Variants in SYNE1 observed in about 807,000 individuals in gnomAD.
The protein encoded by SYNE1 is spectrin repeat containing nuclear envelope protein 1.
In SYNE1, 616 loss-of-function variants were observed where a neutral mutation model predicts 1,111.0. The ratio of observed to expected loss-of-function variants is 0.55; its 90% CI spans 0.52 to 0.59. The LOEUF (loss-of-function observed/expected upper bound fraction) is 0.59. Ranked by LOEUF, SYNE1 falls within the 20% of genes least tolerant of loss-of-function variation. The probability of loss-of-function intolerance (pLI) is 0.00; values close to 1 mark genes in which losing one functional copy is unlikely to be tolerated. For synonymous variants in SYNE1, 3,855 were observed against 3,825.8 expected, an observed-to-expected ratio of 1.01 and a Z score of -0.28; for missense variants, 10,006 against 10,417.0, an observed-to-expected ratio of 0.96 and a Z score of 1.72.
intron 56 of SYNE1, among the ~76,000 whole-genome samples, chr6:152,378,786 C>T (rs1485838944): frequency 6.6e-6 from 1 of 152,172 alleles, no homozygotes; most frequent in Non-Finnish European, 1.5e-5. Flanking sequence ...TGAGGATACA[C>T]AGGACCTTGC....
At chr6:152,158,234 C>T (rs2061744408) in intron 131 of SYNE1, among the ~76,000 whole-genome samples, 1 of 152,124 alleles carries the variant, frequency 6.6e-6, no homozygotes, top group South Asian at 2.1e-4. Context: ...GTAAGTATTC[C>T]ATTATTAAAA....
At chr6:152,383,292 A>G (rs2097459066) in intron 55 of SYNE1, among the ~76,000 whole-genome samples, 1 of 152,242 alleles carries the variant, frequency 6.6e-6, no homozygotes, top group Non-Finnish European at 1.5e-5. Context: ...TTGTGAAAGA[A>G]TTATCTTACT....
chr6:152,629,557 G>GGGGGGGGGGGGGGGT (rs2099694203), intron 2 of SYNE1, among the ~76,000 whole-genome samples: 1 of 125,700 alleles, frequency 8.0e-6, no homozygotes, highest in African/African-American at 3.0e-5. Flanking sequence ...GGAGGAGGGG[G>GGGGGGGGGGGGGGGT]TGCAGTGGGC....
At chr6:152,144,872 CT>C (rs2059192136) in intron 137 of SYNE1, 1 of 156,046 alleles carries the variant, frequency 6.4e-6, no homozygotes, top group African/African-American at 2.4e-5. Flanking sequence ...TTCTTTAATT[CT>C]TCTTGTTTCA....
At chr6:152,301,319 G>A (rs1018261166) in intron 92 of SYNE1, among the ~76,000 whole-genome samples, 5 of 152,224 alleles carry the variant, frequency 3.3e-5, no homozygotes, top group Non-Finnish European at 5.9e-5. Context: ...GATGGCAAGT[G>A]TATAGGAAAA....
chr6:152,220,050 G>A (rs894200226), intron 119 of SYNE1, among the ~76,000 whole-genome samples: 6 of 152,124 alleles, frequency 3.9e-5, no homozygotes, highest in Non-Finnish European at 7.3e-5. Flanking sequence ...GACAGTTCTT[G>A]TACACACAAA....
In SYNE1 at chr6:152,269,255, A is replaced by G; in HGVS notation, c.18605T>C (p.Val6202Ala). ...GGGGCTCTGCGTGGCTGTTAGGTCA[A>G]CATCGCTCTCCTCCTTCTCCTGTGC... is the stretch of plus-strand genomic sequence containing the variant. ...GTAQEKEESD[V>A]DLTATQSPGV... The change falls in exon 99 of 146, where the codon GTT (valine) becomes GCT (alanine). Residue 6202 changes from valine to alanine, a missense_variant. Val to Ala is a moderately conservative substitution (Grantham distance 64). This residue lies in a region of SYNE1 where 2,182 missense variants were observed against 2,287.8 expected (regional missense o/e 0.95). Transcript: ENST00000367255. The G allele has an allele frequency of 1.2e-6, 2 of 1,614,188 alleles. No homozygotes were observed. Among genetic ancestry groups the G allele is most frequent in the East Asian group, 2.2e-5 (1 of 44,874 alleles).
Position 152,136,819 on chromosome 6 carries a change from C to A in SYNE1, c.25459-1G>T. On this transcript the variant is annotated splice_acceptor_variant, in intron 140 of 145. Coordinates refer to ENST00000367255, the MANE Select transcript of SYNE1 (RefSeq NM_182961.4). LOFTEE classifies it high-confidence loss of function. ...GGTGGTCCACAGCTTTCTGGAGCTC[C>A]TGAAAAGAACAAAAAAGACAATCAA... 6.2e-7 allele frequency: 1 copy of A among 1,614,044 alleles called. No homozygotes were observed. The highest frequency in any genetic ancestry group is 8.5e-7 in the Non-Finnish European group (1 of 1,179,960).
At chr6:152,202,347 A>AC (rs1491281093) in intron 126 of SYNE1, among the ~76,000 whole-genome samples, 1 of 53,854 alleles carries the variant, frequency 1.9e-5, no homozygotes, top group Non-Finnish European at 3.5e-5. Context: ...ACTCTGTCTC[A>AC]AAAAAAAAAA....
intron 4 of SYNE1, among the ~76,000 whole-genome samples, chr6:152,534,191 AATG>A (rs2099221517): frequency 1.3e-5 from 2 of 148,862 alleles, no homozygotes; most frequent in African/African-American, 4.9e-5. Flanking sequence ...TGAATGAATG[AATG>A]AATGAATGAA....
At position 152,236,892 on chromosome 6, in the gene SYNE1, C is replaced by T. The variant is rs750443152; in HGVS notation, c.20124G>A (p.Val6708=). 1 of 1,614,154 alleles carries T rather than the reference C, an allele frequency of 6.2e-7. No homozygotes were observed. Among genetic ancestry groups the T allele is most frequent in the Non-Finnish European group, 8.5e-7 (1 of 1,180,018 alleles). ...GACCCACGCTTGGGATGCTGCTTTC[C>T]ACCACCTCCAGCTGTCTGCTGAGCT... ...QQELSRQLEV[V]ESSIPSVGLV... is the part of the protein sequence containing the mutation. Residue 6708 remains valine (V), a synonymous_variant, in exon 109 of 146, where the codon GTG becomes GTA. Transcript: ENST00000367255.
intron 3 of SYNE1, among the ~76,000 whole-genome samples, chr6:152,563,053 TACACACAC>T (rs34506864): frequency 6.7e-6 from 1 of 148,808 alleles, no homozygotes; most frequent in Non-Finnish European, 1.5e-5. Flanking sequence ...GGAAAAAGAG[TACACACAC>T]ACACACACAC....
intron 3 of SYNE1, among the ~76,000 whole-genome samples, chr6:152,598,625 T>C (rs551509428): frequency 6.6e-6 from 1 of 152,298 alleles, no homozygotes; most frequent in East Asian, 1.9e-4. Flanking sequence ...TCCTCTTCAT[T>C]TGCAAAGTTA....
In SYNE1 at chr6:152,331,196, T is replaced by G. The variant is rs1258637807; in HGVS notation, c.13489A>C (p.Lys4497Gln). The change falls in exon 78 of 146, where the codon AAG becomes CAG. Residue 4497 changes from lysine (K) to glutamine (Q), a missense_variant. By Grantham distance (53) the Lys-to-Gln change is moderately conservative. This residue lies in a region of SYNE1 where 4,955 missense variants were observed against 5,017.2 expected (regional missense o/e 0.99). Coordinates refer to ENST00000367255, the MANE Select transcript of SYNE1 (RefSeq NM_182961.4). The part of the protein sequence containing the change: ...DDVSKQVKTC[K>Q]SAQASLKTYQ... ...GTCTTGAGGCTGGCTTGTGCACTCT[T>G]ACATGTTTTGACTTGTTTGCTCACA... 1.9e-6 allele frequency: 3 copies of G among 1,614,024 alleles called. No individual in the cohort carries two copies. The highest frequency in any genetic ancestry group is 2.5e-6 in the Non-Finnish European group (3 of 1,180,036).
At chr6:152,483,334 C>T (rs1189365281) in intron 13 of SYNE1, 85 bp from the exon 14 acceptor site, 1 of 1,134,592 alleles carries the variant, frequency 8.8e-7, no homozygotes. Flanking sequence ...GTAAAGCATA[C>T]ATAAAGCTTT....
chr6:152,515,528 A>C (rs1416040248), intron 6 of SYNE1, among the ~76,000 whole-genome samples: 1 of 152,236 alleles, frequency 6.6e-6, no homozygotes, highest in Non-Finnish European at 1.5e-5. Flanking sequence ...TAAATTAGAA[A>C]ACCAGGGATC....
intron 137 of SYNE1, chr6:152,144,375 A>G (rs1467810853): frequency 3.2e-5 from 5 of 157,328 alleles, no homozygotes; most frequent in African/African-American, 1.2e-4. Flanking sequence ...AACCAGGAGA[A>G]AGCTAAGATT....
At chr6:152,340,672 GA>G in intron 74 of SYNE1, among the ~76,000 whole-genome samples, 1 of 152,016 alleles carries the variant, frequency 6.6e-6, no homozygotes, top group Non-Finnish European at 1.5e-5. Context: ...TTCCATTTGA[GA>G]AAACAAATTC....
chr6:152,494,579 A>G (rs188217326), intron 11 of SYNE1, among the ~76,000 whole-genome samples: 1 of 152,170 alleles, frequency 6.6e-6, no homozygotes, highest in African/African-American at 2.4e-5. Context: ...TCAGCAAGCC[A>G]AACTCATTGC....
Sources: allele counts gnomAD v4.1 joint callset (sites outside exome capture counted in the v4.1 genomes callset), GRCh38; gene constraint gnomAD v4.1.1; regional missense constraint gnomAD v4.1.1; transcripts MANE v1.5; gene names NCBI Gene and HGNC (gene_info 2026-07-23, HGNC 2026-07-21).